Variants in CCDC171 observed in about 807,000 individuals in gnomAD.
The protein encoded by CCDC171 is coiled-coil domain containing 171.
In CCDC171, 177 loss-of-function variants were observed where a neutral mutation model predicts 168.2. That is an observed-to-expected ratio of 1.05 (90% CI 0.93 to 1.19). The LOEUF (loss-of-function observed/expected upper bound fraction) is 1.19. CCDC171 is among the 50% of genes most tolerant of loss of function. The pLI is 0.00. For missense variants in CCDC171, 1,991 were observed against 1,539.0 expected (o/e 1.29, Z -4.91); for synonymous variants, 687 against 540.8 (o/e 1.27, Z -3.75).
chr9:15,790,420 T>G (rs1048033504), intron 21 of CCDC171, among the ~76,000 whole-genome samples: 14 of 152,244 alleles, frequency 9.2e-5, no homozygotes, highest in Non-Finnish European at 1.9e-4. Flanking sequence ...GTTCACACCC[T>G]TTGCCCACTT....
chr9:15,906,520 T>C (rs542995718), intron 24 of CCDC171, among the ~76,000 whole-genome samples: 19 of 152,300 alleles, frequency 1.2e-4, no homozygotes, highest in Non-Finnish European at 1.8e-4. Context: ...ATGGGACTTA[T>C]CTCAACATAA....
intron 10 of CCDC171, among the ~76,000 whole-genome samples, chr9:15,693,105 C>G (rs769713149): frequency 2.0e-5 from 3 of 152,000 alleles, no homozygotes; most frequent in Non-Finnish European, 4.4e-5. Context: ...CCACTGCACT[C>G]CCGCCTGGAT....
At chr9:15,566,490 C>T (rs935987404) in intron 2 of CCDC171, among the ~76,000 whole-genome samples, 10 of 152,194 alleles carry the variant, frequency 6.6e-5, no homozygotes, top group Admixed American at 2.0e-4. Context: ...AGCTGGGAGG[C>T]GGAGATTGCA....
chr9:15,889,600 T>G (rs940363383), intron 24 of CCDC171, among the ~76,000 whole-genome samples: 34 of 152,332 alleles, frequency 2.2e-4, no homozygotes, highest in Admixed American at 2.0e-3. Context: ...ATCTTGCTTG[T>G]GTATAGTACC....
chr9:16,048,861 T>C (rs1435050123), intron 1 of CCDC171, among the ~76,000 whole-genome samples: 1 of 150,108 alleles, frequency 6.7e-6, no homozygotes, highest in South Asian at 2.1e-4. Context: ...CAGGCAGTAT[T>C]AACAAGGGTT....
chr9:15,577,727 C>G (rs2040782414), intron 3 of CCDC171, among the ~76,000 whole-genome samples: 1 of 152,150 alleles, frequency 6.6e-6, no homozygotes, highest in African/African-American at 2.4e-5. Context: ...ATTAAGACAA[C>G]CCAACATTAA....
the CCDC171 span, among the ~76,000 whole-genome samples, chr9:16,076,862 G>A: frequency 6.6e-6 from 1 of 152,186 alleles, no homozygotes; most frequent in East Asian, 1.9e-4. Context: ...TGTAGAACCC[G>A]GTATTTGATG....
At chr9:15,609,212 G>T (rs2043466489) in intron 6 of CCDC171, among the ~76,000 whole-genome samples, 2 of 151,432 alleles carry the variant, frequency 1.3e-5, no homozygotes. Flanking sequence ...CGATTCTCCT[G>T]CCTCAGCCTC....
chr9:16,055,222 T>A (rs1196409581), intron 1 of CCDC171, among the ~76,000 whole-genome samples: 3 of 152,184 alleles, frequency 2.0e-5, no homozygotes, highest in Non-Finnish European at 2.9e-5. Flanking sequence ...TGTTCGTTTA[T>A]TTGATAGGGA....
At position 15,848,908 on chromosome 9, in the gene CCDC171, T is replaced by G. The variant is rs776397028; in HGVS notation, c.3429T>G (p.Val1143=). The G allele has an allele frequency of 1.9e-6, 3 of 1,569,156 alleles. No homozygotes were observed. Among genetic ancestry groups the G allele is most frequent in the Non-Finnish European group, 2.6e-6 (3 of 1,155,002 alleles). ...TTTTTTCTAGAGACAAAGAATGTGT[T>G]GCTAATCACATGAGAGCAGTAGAAA... ...LRMAAKDKEC[V]ANHMRAVENT... is the part of the protein sequence containing the mutation. The change falls in exon 23 of 26, where the codon GTT becomes GTG. Residue 1143 remains valine (V), a synonymous_variant. Coordinates refer to ENST00000380701, the MANE Select transcript of CCDC171 (RefSeq NM_173550.4).
At chr9:15,771,740 C>A (rs945979194) in intron 18 of CCDC171, among the ~76,000 whole-genome samples, 1 of 152,026 alleles carries the variant, frequency 6.6e-6, no homozygotes, top group Non-Finnish European at 1.5e-5. Context: ...AGAATACTTT[C>A]GATACATTAA....
chr9:15,890,837 A>G (rs193221063), intron 24 of CCDC171, among the ~76,000 whole-genome samples: 46 of 152,266 alleles, frequency 3.0e-4, no homozygotes, highest in Non-Finnish European at 5.7e-4. Flanking sequence ...TTGTTATAGA[A>G]TAGAGATTAT....
At chr9:15,581,781 C>G (rs991737891) in intron 4 of CCDC171, among the ~76,000 whole-genome samples, 8 of 152,048 alleles carry the variant, frequency 5.3e-5, no homozygotes, top group Non-Finnish European at 1.0e-4. Flanking sequence ...AAAATTAACT[C>G]AAGATGGATT....
chr9:16,065,814 G>A (rs1274513252), downstream of CCDC171, among the ~76,000 whole-genome samples: 5 of 104,616 alleles, frequency 4.8e-5, no homozygotes, highest in African/African-American at 1.9e-4. Flanking sequence ...TGCATGGTGT[G>A]TGTGTGTGTG....
chr9:15,843,136 TTTTTC>T (rs1306017216), intron 21 of CCDC171, among the ~76,000 whole-genome samples: 1 of 151,918 alleles, frequency 6.6e-6, no homozygotes, highest in Non-Finnish European at 1.5e-5. Context: ...AAGCATTGGT[TTTTTC>T]TTCCTTAACA....
chr9:15,708,373 A>T (rs561842241), intron 11 of CCDC171, among the ~76,000 whole-genome samples: 1 of 152,336 alleles, frequency 6.6e-6, no homozygotes, highest in African/African-American at 2.4e-5. Context: ...TAGAACTGGA[A>T]TGAAAGTACA....
At chr9:15,904,893 T>G (rs1589065968) in intron 24 of CCDC171, among the ~76,000 whole-genome samples, 1 of 125,108 alleles carries the variant, frequency 8.0e-6, no homozygotes, top group East Asian at 2.3e-4. Flanking sequence ...TAAAACAGAC[T>G]TTAAACCAAC....
intron 7 of CCDC171, among the ~76,000 whole-genome samples, chr9:15,638,797 T>G (rs1462915573): frequency 6.6e-6 from 1 of 151,944 alleles, no homozygotes; most frequent in East Asian, 1.9e-4. Context: ...TCCAATTTTA[T>G]AAATGCAGTA....
At chr9:15,859,859 G>A (rs1487012346) in intron 23 of CCDC171, among the ~76,000 whole-genome samples, 7 of 151,746 alleles carry the variant, frequency 4.6e-5, no homozygotes, top group Non-Finnish European at 8.8e-5. Context: ...TGAAGAGACA[G>A]CATCTCACTA....
Sources: gnomAD v4.1 joint callset for allele counts (sites outside exome capture counted in the v4.1 genomes callset) on GRCh38, gnomAD v4.1.1 for gene constraint, MANE v1.5 for transcripts, NCBI Gene and HGNC (gene_info 2026-07-23, HGNC 2026-07-21) for gene names.